The following TUSC3 variants were observed in gnomAD, a reference collection of about 807,000 sequenced individuals.
The protein encoded by TUSC3 is tumor suppressor candidate 3, also known as dolichyl-diphosphooligosaccharide--protein glycosyltransferase subunit TUSC3.
In TUSC3, 45 loss-of-function variants were observed where a neutral mutation model predicts 44.8. The ratio of observed to expected loss-of-function variants is 1.00; its 90% CI spans 0.79 to 1.29. The LOEUF (loss-of-function observed/expected upper bound fraction) is 1.29. Among genes scored for constraint, TUSC3 ranks in the 50% most tolerant of loss-of-function variants. The probability of loss-of-function intolerance (pLI) is 0.00; values close to 1 mark genes in which losing one functional copy is unlikely to be tolerated. For missense variants in TUSC3, 519 were observed against 437.9 expected (o/e 1.19, Z -1.65); for synonymous variants, 212 against 152.9 (o/e 1.39, Z -2.85).
At position 15,765,921 on chromosome 8, in the gene TUSC3, G is replaced by A. The variant is rs1440300321; in HGVS notation, c.*1765G>A. Reference sequence around the variant, plus strand: ...TTGTTAATTATAATCACTTTTGTTTGTATCCTTAAATCTCAGAATTATCTT... The same window carrying A: ...TTGTTAATTATAATCACTTTTGTTTATATCCTTAAATCTCAGAATTATCTT... On this transcript the variant is annotated 3_prime_UTR_variant, in exon 11 of 11. Coordinates refer to ENST00000503731, the MANE Select transcript of TUSC3 (RefSeq NM_006765.4). 2 of 151,926 alleles carry A rather than the reference G, an allele frequency of 1.3e-5. No homozygotes were observed. The highest frequency in any genetic ancestry group is 4.8e-5 in the African/African-American group (2 of 41,396). The allele number at this position is 151,926 out of a possible 1,614,324, so 9.4% of individuals were successfully genotyped here.
rs62501882 is a variant in TUSC3 at position 15,443,259 on chromosome 8, G to A, written n.91+25954G>A. Among the ~76,000 whole-genome samples, 977 of 151,280 alleles carry A rather than the reference G, an allele frequency of 6.5e-3. 1 individual carries two copies. The highest frequency in any genetic ancestry group is 0.018 in the South Asian group (87 of 4,786). ...TGTGATCACAGCTCACTGCAGTCTC[G>A]AGCTCCTGGACTGATCCTTCCACCT... On this transcript the variant is annotated intron_variant and non_coding_transcript_variant, in intron 1 of 5. Coordinates refer to the TUSC3 transcript ENST00000503191.
chr8:15,471,142 C>T (rs1299948262), intron 1 of TUSC3, among the ~76,000 whole-genome samples: 1 of 152,008 alleles, frequency 6.6e-6, no homozygotes, highest in East Asian at 1.9e-4. Flanking sequence ...TGATTTAATT[C>T]CCCAGCACTA....
intron 3 of TUSC3, among the ~76,000 whole-genome samples, chr8:15,657,459 A>C (rs543544632): frequency 6.6e-6 from 1 of 152,172 alleles, no homozygotes; most frequent in Non-Finnish European, 1.5e-5. Context: ...TGCAGTTTGT[A>C]AGAAGGATGG....
chr8:15,540,401 C>A lies in TUSC3; in HGVS notation c.-30C>A. 2 of 1,540,224 alleles carry A rather than the reference C, an allele frequency of 1.3e-6. No individual in the cohort carries two copies. Among genetic ancestry groups the A allele is most frequent in the Non-Finnish European group, 1.7e-6 (2 of 1,143,808 alleles). ...GTAGGAGCTGGGCGCGCACGGCTACCGCGCGTGGAGGAGACACTGCCCTGC... is the reference window on the plus strand; with the variant it reads ...GTAGGAGCTGGGCGCGCACGGCTACAGCGCGTGGAGGAGACACTGCCCTGC... On this transcript the variant is annotated 5_prime_UTR_variant, in exon 1 of 11. Transcript: ENST00000503731.
intron 1 of TUSC3, among the ~76,000 whole-genome samples, chr8:15,594,091 C>G (rs1803969282): frequency 1.3e-5 from 2 of 152,198 alleles, no homozygotes; most frequent in Admixed American, 1.3e-4. Flanking sequence ...TTGTATATTA[C>G]TGTAATTACA....
chr8:15,445,315 AT>A (rs772958943), intron 1 of TUSC3, among the ~76,000 whole-genome samples: 359 of 142,950 alleles, frequency 2.5e-3, no homozygotes, highest in Admixed American at 2.7e-3. Flanking sequence ...CCAGGATTTT[AT>A]TTTTTTTTTT....
intron 1 of TUSC3, among the ~76,000 whole-genome samples, chr8:15,420,870 A>G (rs1200610770): frequency 6.6e-6 from 1 of 151,648 alleles, no homozygotes; most frequent in Non-Finnish European, 1.5e-5. Context: ...TTCTCCCTAG[A>G]CTCCTAACTT....
At chr8:15,567,216 G>A (rs1193469210) in intron 1 of TUSC3, among the ~76,000 whole-genome samples, 1 of 152,110 alleles carries the variant, frequency 6.6e-6, no homozygotes. Context: ...ACATTTCGGG[G>A]CAGTGGGGAA....
chr8:15,687,318 C>G (rs1334033690), intron 6 of TUSC3, among the ~76,000 whole-genome samples: 1 of 152,158 alleles, frequency 6.6e-6, no homozygotes, highest in Non-Finnish European at 1.5e-5. Flanking sequence ...AAGTCTCAGT[C>G]TTCAGAGCCT....
chr8:15,560,991 T>A (rs1228076626), intron 1 of TUSC3, among the ~76,000 whole-genome samples: 1 of 129,752 alleles, frequency 7.7e-6, no homozygotes, highest in Non-Finnish European at 1.6e-5. Context: ...TCTGAAGCCT[T>A]CTTCTCTCAG....
chr8:15,784,332 G>A, the TUSC3 span, among the ~76,000 whole-genome samples: 22 of 152,204 alleles, frequency 1.4e-4, no homozygotes, highest in South Asian at 4.6e-3. Context: ...ACTCCTACTT[G>A]TGAGATTGAA....
At chr8:15,456,206 AAT>A (rs1800254975) in intron 1 of TUSC3, among the ~76,000 whole-genome samples, 1 of 151,954 alleles carries the variant, frequency 6.6e-6, no homozygotes, top group African/African-American at 2.4e-5. Context: ...TTGAGTAATA[AAT>A]CTGTATCCCT....
the TUSC3 span, among the ~76,000 whole-genome samples, chr8:15,831,190 G>A: frequency 7.5e-4 from 114 of 152,268 alleles, no homozygotes; most frequent in Non-Finnish European, 1.1e-3. Context: ...GGAGCTGAGC[G>A]TTGACCCCCT....
At chr8:15,826,763 A>G in the TUSC3 span, among the ~76,000 whole-genome samples, 1 of 152,144 alleles carries the variant, frequency 6.6e-6, no homozygotes, top group Admixed American at 6.6e-5. Context: ...GGTGAGGGAA[A>G]AAAAAGAGAA....
At chr8:15,701,157 G>C (rs984737266) in intron 6 of TUSC3, among the ~76,000 whole-genome samples, 3 of 152,028 alleles carry the variant, frequency 2.0e-5, no homozygotes, top group Non-Finnish European at 2.9e-5. Context: ...GTAATACACA[G>C]ATCTTAAATG....
intron 2 of TUSC3, among the ~76,000 whole-genome samples, chr8:15,510,528 C>G (rs13257753): frequency 2.3e-3 from 344 of 152,156 alleles, no homozygotes; most frequent in African/African-American, 8.2e-3. Context: ...ATTACGGGAG[C>G]TCACCCAGGA....
At chr8:15,777,018 G>A in the TUSC3 span, among the ~76,000 whole-genome samples, 3 of 152,020 alleles carry the variant, frequency 2.0e-5, no homozygotes, top group Non-Finnish European at 4.4e-5. Flanking sequence ...TAGACAGGTT[G>A]TGAAATCCAA....
intron 6 of TUSC3, chr8:15,688,821 G>A (rs1808760408): frequency 6.5e-6 from 1 of 153,658 alleles, no homozygotes; most frequent in South Asian, 2.0e-4. Context: ...TGGTCCAAAA[G>A]AACTCAGCGT....
intron 2 of TUSC3, among the ~76,000 whole-genome samples, chr8:15,503,194 C>T (rs1800992382): frequency 6.6e-6 from 1 of 152,028 alleles, no homozygotes; most frequent in Admixed American, 6.6e-5. Flanking sequence ...TCTAACATGA[C>T]AGATGTGGAC....
Sources: gnomAD v4.1 joint callset for allele counts (sites outside exome capture counted in the v4.1 genomes callset) on GRCh38, gnomAD v4.1.1 for gene constraint, MANE v1.5 for transcripts, NCBI Gene and HGNC (gene_info 2026-07-23, HGNC 2026-07-21) for gene names.